The following POU6F2 variants were observed in gnomAD, a reference collection of about 807,000 sequenced individuals.
POU6F2 encodes the protein POU class 6 homeobox 2.
In POU6F2, 31 loss-of-function variants were observed where a neutral mutation model predicts 71.3. The ratio of observed to expected loss-of-function variants is 0.43; its 90% CI spans 0.33 to 0.59. The LOEUF (loss-of-function observed/expected upper bound fraction) is 0.59. POU6F2 is among the 20% of genes least tolerant of loss of function. The probability of loss-of-function intolerance (pLI) is 0.04; values close to 1 mark genes in which losing one functional copy is unlikely to be tolerated. For synonymous variants in POU6F2, 347 were observed against 355.7 expected, an observed-to-expected ratio of 0.98 and a Z score of 0.27; for missense variants, 783 against 856.8, an observed-to-expected ratio of 0.91 and a Z score of 1.07.
At chr7:39,305,672 T>C (rs1354633291) in intron 4 of POU6F2, among the ~76,000 whole-genome samples, 1 of 152,238 alleles carries the variant, frequency 6.6e-6, no homozygotes, top group Non-Finnish European at 1.5e-5. Flanking sequence ...TTTCCCCTGC[T>C]GTGCAATTCC....
intron 1 of POU6F2, among the ~76,000 whole-genome samples, chr7:38,982,596 A>T (rs1422587301): frequency 6.6e-6 from 1 of 152,164 alleles, no homozygotes; most frequent in East Asian, 1.9e-4. Context: ...ATTAAAGCAG[A>T]CATTTAAATG....
intron 4 of POU6F2, among the ~76,000 whole-genome samples, chr7:39,276,277 T>C (rs924095944): frequency 3.9e-5 from 6 of 152,180 alleles, no homozygotes; most frequent in Non-Finnish European, 8.8e-5. Context: ...AAGACATTTA[T>C]GCAGCCAAAA....
At chr7:39,225,773 G>GT (rs1794449536) in intron 4 of POU6F2, among the ~76,000 whole-genome samples, 1 of 152,162 alleles carries the variant, frequency 6.6e-6, no homozygotes, top group Non-Finnish European at 1.5e-5. Flanking sequence ...GTGAATGTGC[G>GT]TGTGTTCTTC....
At chr7:39,249,603 C>T (rs543083767) in intron 4 of POU6F2, among the ~76,000 whole-genome samples, 8 of 152,248 alleles carry the variant, frequency 5.3e-5, no homozygotes, top group African/African-American at 1.4e-4. Flanking sequence ...AAGCCAGTTG[C>T]GGTGTGAAAT....
chr7:39,066,058 A>C (rs910908657), intron 1 of POU6F2, among the ~76,000 whole-genome samples: 2 of 151,820 alleles, frequency 1.3e-5, no homozygotes, highest in African/African-American at 2.4e-5. Flanking sequence ...CTGAAACCCA[A>C]ATTCGGCTTG....
chr7:39,296,658 T>A (rs942438060), intron 4 of POU6F2, among the ~76,000 whole-genome samples: 1 of 152,124 alleles, frequency 6.6e-6, no homozygotes, highest in African/African-American at 2.4e-5. Context: ...CCCCACCTCA[T>A]TGGCACCAAC....
chr7:39,028,947 C>T (rs975933571), intron 1 of POU6F2, among the ~76,000 whole-genome samples: 11 of 152,006 alleles, frequency 7.2e-5, no homozygotes, highest in Non-Finnish European at 1.2e-4. Context: ...GATATAGGCA[C>T]TATACCTATA....
At chr7:39,013,247 C>T (rs148964105) in intron 1 of POU6F2, 279 of 153,312 alleles carry the variant, frequency 1.8e-3, no homozygotes, top group African/African-American at 6.5e-3. Context: ...GTTTTTTAAG[C>T]CAGTCCGAAA....
In POU6F2 at chr7:39,464,710, A is replaced by T; in HGVS notation, c.*24A>T. ...AAAGAGATGCCCACCCATAATCAGAAGCAAAATTCACAGAAACTAAACTCC... is the reference window on the plus strand; with the variant it reads ...AAAGAGATGCCCACCCATAATCAGATGCAAAATTCACAGAAACTAAACTCC... On this transcript the variant is annotated 3_prime_UTR_variant, in exon 10 of 10. Transcript: ENST00000518318. This position sits in a 1 kb window ranked among gnomAD's most constrained non-coding sequence, Gnocchi z 4.1. 1 of 1,565,796 alleles carries T rather than the reference A, an allele frequency of 6.4e-7. No individual in the cohort carries two copies. The highest frequency in any genetic ancestry group is 8.6e-7 in the Non-Finnish European group (1 of 1,158,408).
At chr7:39,304,393 T>C (rs1212778704) in intron 4 of POU6F2, among the ~76,000 whole-genome samples, 1 of 152,146 alleles carries the variant, frequency 6.6e-6, no homozygotes, top group Non-Finnish European at 1.5e-5. Context: ...TCTGAACAAT[T>C]CGGTAACCTC....
chr7:39,181,475 A>G (rs1584586554), intron 2 of POU6F2, among the ~76,000 whole-genome samples: 1 of 152,156 alleles, frequency 6.6e-6, no homozygotes, highest in African/African-American at 2.4e-5. Context: ...TGTTCCTACC[A>G]TATCTATTCT....
At chr7:39,212,563 T>C (rs1794161537) in intron 4 of POU6F2, among the ~76,000 whole-genome samples, 1 of 152,130 alleles carries the variant, frequency 6.6e-6, no homozygotes, top group African/African-American at 2.4e-5. Context: ...CCAAGTACCA[T>C]CCATCATCAG....
intron 2 of POU6F2, among the ~76,000 whole-genome samples, chr7:39,181,211 C>A (rs1222202406): frequency 1.4e-5 from 2 of 139,586 alleles, no homozygotes; most frequent in African/African-American, 5.1e-5. Context: ...GTCACATCCC[C>A]CAGATGCCAC....
At chr7:39,294,147 T>C (rs1183273628) in intron 4 of POU6F2, among the ~76,000 whole-genome samples, 1 of 151,702 alleles carries the variant, frequency 6.6e-6, no homozygotes, top group Non-Finnish European at 1.5e-5. Context: ...AGTGAGATCA[T>C]TTCACTGTGG....
At position 39,406,675 on chromosome 7, in the gene POU6F2, T is replaced by A; in HGVS notation, c.1048T>A (p.Phe350Ile). 1 of 1,613,682 alleles carries A rather than the reference T, an allele frequency of 6.2e-7. No homozygotes were observed. The highest frequency in any genetic ancestry group is 1.1e-5 in the South Asian group (1 of 91,060). The stretch of plus-strand genomic sequence containing the variant: ...GAGCTCCATAGCAAGCTCACAGGCC[T>A]TTGGCAATGCCCTCTCCAGTCTTCA... ...AMSSIASSQA[F>I]GNALSSLQGV... is the part of the protein sequence containing the mutation. The change falls in exon 6 of 10, where the codon TTT becomes ATT. Residue 350 changes from phenylalanine (F) to isoleucine (I), a missense_variant. By Grantham distance (21) the Phe-to-Ile change is conservative. Around this residue, in one of 2 missense-constraint regions of POU6F2, gnomAD observed 572 missense variants for 572.9 expected, o/e 1.00. Coordinates refer to ENST00000518318, the MANE Select transcript of POU6F2 (RefSeq NM_001370959.1).
intron 5 of POU6F2, among the ~76,000 whole-genome samples, chr7:39,380,237 C>T (rs1414729649): frequency 6.6e-6 from 1 of 152,134 alleles, no homozygotes; most frequent in Non-Finnish European, 1.5e-5. Flanking sequence ...GTGAGTGAGA[C>T]CCAGATTCTA....
At chr7:39,187,753 A>G (rs1033582083) in intron 2 of POU6F2, among the ~76,000 whole-genome samples, 2 of 152,200 alleles carry the variant, frequency 1.3e-5, no homozygotes, top group African/African-American at 4.8e-5. Context: ...GAAAATGCCG[A>G]GTTTTTTTGG....
chr7:39,398,420 A>T (rs566253336), intron 5 of POU6F2, among the ~76,000 whole-genome samples: 2 of 152,096 alleles, frequency 1.3e-5, no homozygotes, highest in South Asian at 4.1e-4. Flanking sequence ...CTAATGAGCC[A>T]TATAGATCCA....
Position 39,406,760 on chromosome 7 carries a change from A to G in POU6F2, c.1113+20A>G. 1 of 1,612,312 alleles carries G rather than the reference A, an allele frequency of 6.2e-7. No individual in the cohort carries two copies. Among genetic ancestry groups the G allele is most frequent in the Non-Finnish European group, 8.5e-7 (1 of 1,179,806 alleles). The stretch of plus-strand genomic sequence containing the variant: ...GGACAGGTGAGTGGGAGATGGGAAC[A>G]AGAGTGCATTTTTATGGCAGATTGA... On this transcript the variant is annotated intron_variant, in intron 6 of 9. Coordinates refer to ENST00000518318, the MANE Select transcript of POU6F2 (RefSeq NM_001370959.1).
Sources: allele counts gnomAD v4.1 joint callset (sites outside exome capture counted in the v4.1 genomes callset), GRCh38; gene constraint gnomAD v4.1.1; regional missense constraint gnomAD v4.1.1; non-coding constraint Gnocchi (gnomAD v3.1); transcripts MANE v1.5; gene names NCBI Gene and HGNC (gene_info 2026-07-23, HGNC 2026-07-21).